The following ZNF695 variants were observed in gnomAD, a reference collection of about 807,000 sequenced individuals.
The protein encoded by ZNF695 is zinc finger protein 695, also known as zinc finger protein SBZF3.
A neutral mutation model predicts 11.2 loss-of-function variants in ZNF695; 11 were observed. The observed-to-expected ratio is 0.98, with a 90% confidence interval of 0.62 to 1.62. The LOEUF (loss-of-function observed/expected upper bound fraction) is 1.62. Ranked by LOEUF, ZNF695 falls within the 40% of genes most tolerant of loss-of-function variation. The probability of loss-of-function intolerance (pLI) is 0.00; values close to 1 mark genes in which losing one functional copy is unlikely to be tolerated. For missense variants in ZNF695, 559 were observed against 590.5 expected, an observed-to-expected ratio of 0.95 and a Z score of 0.55; for synonymous variants, 190 against 201.4, an observed-to-expected ratio of 0.94 and a Z score of 0.48.
At chr1:246,995,044 G>C (rs1669159626) in intron 3 of ZNF695, among the ~76,000 whole-genome samples, 1 of 152,138 alleles carries the variant, frequency 6.6e-6, no homozygotes, top group Non-Finnish European at 1.5e-5. Context: ...AGTACACAGG[G>C]AACGGGGGAC....
At chr1:247,004,198 G>A (rs978984246) in intron 1 of ZNF695, among the ~76,000 whole-genome samples, 6 of 152,140 alleles carry the variant, frequency 3.9e-5, no homozygotes, top group South Asian at 2.1e-4. Context: ...GCGAGAGAGC[G>A]AGACTCCATC....
chr1:247,004,378 A>G lies in ZNF695; in HGVS notation c.3+3528T>C, dbSNP rs113501429. On this transcript the variant is annotated intron_variant, in intron 1 of 3. Transcript: ENST00000339986. The stretch of plus-strand genomic sequence containing the variant: ...TCAACTGATGCCGAAAAAGAATTTC[A>G]TAAAATTCAACATCCTTCATTGATT... 2.1e-3 allele frequency among the ~76,000 whole-genome samples: 323 copies of G among 152,312 alleles called. 1 individual carries two copies. The highest frequency in any genetic ancestry group is 7.0e-3 in the African/African-American group (290 of 41,576).
At position 246,999,433 on chromosome 1, in the gene ZNF695, A is replaced by G. The variant is rs745546134; in HGVS notation, c.174T>C (p.Ala58=). 2 of 1,613,604 alleles carry G rather than the reference A, an allele frequency of 1.2e-6. No individual in the cohort carries two copies. The highest frequency in any genetic ancestry group is 1.7e-6 in the Non-Finnish European group (2 of 1,179,750). The change falls in exon 3 of 4, where the codon GCT becomes GCC. Residue 58 remains alanine, a synonymous_variant. Coordinates refer to ENST00000339986, the MANE Select transcript of ZNF695 (RefSeq NM_020394.5). ...FNMQFLFHSL[A]MSKPELIICL... ...AGATGATCAGTTCTGGCTTAGACAT[A>G]GCAAGACCTGTTTTATTAGAAAAAA...
intron 4 of ZNF695, chr1:246,968,239 C>T (rs758499593): frequency 3.3e-5 from 5 of 152,226 alleles, no homozygotes; most frequent in Non-Finnish European, 5.9e-5. Flanking sequence ...AAAAGGGAGA[C>T]ATTGGCCAAA....
At chr1:246,964,824 T>A (rs1193768821) in intron 5 of ZNF695, among the ~76,000 whole-genome samples, 1 of 152,042 alleles carries the variant, frequency 6.6e-6, no homozygotes, top group Non-Finnish European at 1.5e-5. Flanking sequence ...TGAGCTGAGA[T>A]CGCGGCACTG....
At chr1:246,945,989 CG>C (rs111328919) in intron 5 of ZNF695, among the ~76,000 whole-genome samples, 44,587 of 151,792 alleles carry the variant, frequency 0.29, 6,735 homozygotes, top group African/African-American at 0.36. Flanking sequence ...TGAGCCACTG[CG>C]CCCAGCCTCT....
At chr1:246,967,969 T>G (rs1668331809) in intron 4 of ZNF695, 1 of 165,796 alleles carries the variant, frequency 6.0e-6, no homozygotes, top group Non-Finnish European at 1.3e-5. Context: ...GAAATTTGGG[T>G]GGGGACACAG....
chr1:246,976,841 A>C (rs1668581615), intron 4 of ZNF695, among the ~76,000 whole-genome samples: 1 of 152,216 alleles, frequency 6.6e-6, no homozygotes, highest in Non-Finnish European at 1.5e-5. Flanking sequence ...TCCTGAAGAG[A>C]AAATGCAAAG....
intron 5 of ZNF695, among the ~76,000 whole-genome samples, chr1:246,964,132 G>A (rs371808559): frequency 5.1e-4 from 78 of 152,192 alleles, no homozygotes; most frequent in African/African-American, 1.7e-3. Flanking sequence ...AGGGTGCATC[G>A]CCCTTCCAGC....
rs557559709 is a variant in ZNF695, at chr1:246,956,649, G to A, written c.489-10822C>T. On this transcript the variant is annotated intron_variant, in intron 5 of 5. Coordinates refer to the ZNF695 transcript ENST00000487338. The stretch of plus-strand genomic sequence containing the variant: ...AAAAAAAGATCATGGGATAATTGGG[G>A]GTATGTTAATATTGAATTGCCCATT... Among the ~76,000 whole-genome samples the A allele has an allele frequency of 1.3e-3, 196 of 152,062 alleles. 2 individuals carry two copies. The highest frequency in any genetic ancestry group is 6.8e-3 in the Middle Eastern group (2 of 294).
At chr1:247,002,121 G>A (rs1428682035) in intron 1 of ZNF695, among the ~76,000 whole-genome samples, 4 of 151,868 alleles carry the variant, frequency 2.6e-5, no homozygotes, top group Non-Finnish European at 5.9e-5. Context: ...AAAAAAAACT[G>A]TTATCACACC....
chr1:246,946,831 T>C (rs1295975411), intron 5 of ZNF695, among the ~76,000 whole-genome samples: 1 of 152,198 alleles, frequency 6.6e-6, no homozygotes, highest in Non-Finnish European at 1.5e-5. Context: ...AATCAAAATA[T>C]GGCTTGGTGA....
intron 5 of ZNF695, among the ~76,000 whole-genome samples, chr1:246,957,235 T>C (rs1250178321): frequency 6.6e-6 from 1 of 151,974 alleles, no homozygotes. Context: ...TACAAAAAAT[T>C]AGCTGGGCGT....
At chr1:246,977,533 T>A (rs1668600919) in intron 4 of ZNF695, among the ~76,000 whole-genome samples, 1 of 152,232 alleles carries the variant, frequency 6.6e-6, no homozygotes, top group Admixed American at 6.5e-5. Flanking sequence ...ATTACAGGCA[T>A]GAGCCACCAC....
At chr1:246,975,747 A>C (rs1668541315) in intron 4 of ZNF695, among the ~76,000 whole-genome samples, 1 of 152,208 alleles carries the variant, frequency 6.6e-6, no homozygotes, top group African/African-American at 2.4e-5. Context: ...TAAACTGAGC[A>C]GGAGACAGTA....
intron 5 of ZNF695, among the ~76,000 whole-genome samples, chr1:246,946,317 A>G (rs369630526): frequency 3.9e-4 from 60 of 152,126 alleles, no homozygotes; most frequent in African/African-American, 1.3e-3. Context: ...CTGTACTTTC[A>G]TTCTCTTCCA....
intron 5 of ZNF695, among the ~76,000 whole-genome samples, chr1:246,960,258 A>T (rs1014621047): frequency 2.2e-4 from 34 of 152,110 alleles, no homozygotes; most frequent in African/African-American, 8.2e-4. Context: ...TATCTGGAAC[A>T]CTAATATATT....
chr1:246,958,191 T>C (rs1208568173), intron 5 of ZNF695, among the ~76,000 whole-genome samples: 1 of 151,870 alleles, frequency 6.6e-6, no homozygotes. Context: ...CCCGAGTACC[T>C]GGGACTACAG....
At chr1:246,975,468 A>G (rs561840361) in intron 4 of ZNF695, among the ~76,000 whole-genome samples, 6 of 152,376 alleles carry the variant, frequency 3.9e-5, no homozygotes, top group African/African-American at 1.4e-4. Flanking sequence ...AAACATATGA[A>G]CGCAGACCAT....
Sources: gnomAD v4.1 joint callset for allele counts (sites outside exome capture counted in the v4.1 genomes callset) on GRCh38, gnomAD v4.1.1 for gene constraint, MANE v1.5 for transcripts, NCBI Gene and HGNC (gene_info 2026-07-23, HGNC 2026-07-21) for gene names.